Variants in SCN1B observed in about 807,000 individuals in gnomAD.
SCN1B encodes sodium channel regulatory subunit beta-1.
In SCN1B, 11 loss-of-function variants were observed where a neutral mutation model predicts 25.7. The observed-to-expected ratio is 0.43, with a 90% CI of 0.27 to 0.71. The LOEUF is 0.71. Among genes scored for constraint, SCN1B ranks in the 30% least tolerant of loss-of-function variants. The probability of loss-of-function intolerance (pLI) is 0.21; values close to 1 mark genes in which losing one functional copy is unlikely to be tolerated. For synonymous variants in SCN1B, 119 were observed against 117.5 expected (o/e 1.01, Z -0.08); for missense variants, 224 against 291.5 (o/e 0.77, Z 1.69).
chr19:35,036,033 A>C (rs1338565392), intron 3 of SCN1B: 2 of 143,880 alleles, frequency 1.4e-5, no homozygotes, highest in Admixed American at 1.4e-4. Context: ...TACGCCCGGC[A>C]ATTTTTTTTT....
At chr19:35,034,485 A>G in intron 3 of SCN1B, 1 of 246,684 alleles carries the variant, frequency 4.1e-6, no homozygotes, top group Admixed American at 5.0e-5. Flanking sequence ...CCCTTTTCTG[A>G]GGGAGGTCCG....
In SCN1B at chr19:35,033,902, A is replaced by G. The variant is rs761312032; in HGVS notation, c.448+163A>G. 8.8e-6 allele frequency: 14 copies of G among 1,585,446 alleles called. No homozygotes were observed. In the Admixed American group the frequency reaches 2.0e-4, roughly 23 times the overall value. ...GGGAGCAGCCCCTCCTGCCCACTCC[A>G]GCTCTGGCCTCTGTTTCTCTCCAGC... On this transcript the variant is annotated intron_variant, in intron 3 of 5. Coordinates refer to ENST00000262631, the MANE Select transcript of SCN1B (RefSeq NM_001037.5).
rs761070541 is a variant in SCN1B, at chr19:35,033,869, AG to A, written c.448+135del. ...GCCAACCGCCCACAGCAGCGGGCTG[AG>A]GGGGAGGGGAGCAGCCCCTCCTGCC... is the stretch of plus-strand genomic sequence containing the variant. On this transcript the variant is annotated intron_variant, in intron 3 of 5. Transcript: ENST00000262631. 1 of 1,607,552 alleles carries A rather than the reference AG, an allele frequency of 6.2e-7. No individual in the cohort carries two copies. The highest frequency in any genetic ancestry group is 8.5e-7 in the Non-Finnish European group (1 of 1,176,524).
At chr19:35,036,362 C>G (rs982581413) in intron 3 of SCN1B, 1 of 152,058 alleles carries the variant, frequency 6.6e-6, no homozygotes, top group Non-Finnish European at 1.5e-5. Context: ...TAACATGACT[C>G]ATTGTGCTAT....
At chr19:35,033,427 G>T in intron 2 of SCN1B, 72 bp from the exon 3 acceptor site, 1 of 1,606,826 alleles carries the variant, frequency 6.2e-7, no homozygotes. Flanking sequence ...TCAGGGCAGG[G>T]GACAGAATCA....
chr19:35,039,276 G>T lies in SCN1B; in HGVS notation c.590+18G>T. ...GAGAATGCGTGAGTAGGGTGGCTGGGAGGTGGGAGGGCACCCAGGGCACCG... is the reference window on the plus strand; with the variant it reads ...GAGAATGCGTGAGTAGGGTGGCTGGTAGGTGGGAGGGCACCCAGGGCACCG... On this transcript the variant is annotated intron_variant, in intron 4 of 5. Transcript: ENST00000262631. The T allele has an allele frequency of 6.2e-7, 1 of 1,610,556 alleles. No individual in the cohort carries two copies.
At position 35,040,066 on chromosome 19, in the gene SCN1B, AG is replaced by A; in HGVS notation, c.*281del. The A allele has an allele frequency of 3.4e-6, 1 of 290,572 alleles. No individual in the cohort carries two copies. The allele number at this position is 290,572 out of a possible 1,614,324, so 18.0% of individuals were successfully genotyped here. A position where few individuals can be genotyped will look rare whatever the true frequency, so the allele number is the denominator to read the frequency against. Reference sequence around the variant, plus strand: ...CCCTGCTTCTGCTGCCTGTTTGGGGAGGGGGGCGGTGAGGTGGGGGCAGCGG... The same window carrying A: ...CCCTGCTTCTGCTGCCTGTTTGGGGAGGGGGCGGTGAGGTGGGGGCAGCGG... On this transcript the variant is annotated 3_prime_UTR_variant, in exon 6 of 6. Coordinates refer to ENST00000262631, the MANE Select transcript of SCN1B (RefSeq NM_001037.5).
chr19:35,034,339 G>A, intron 3 of SCN1B: 1 of 630,402 alleles, frequency 1.6e-6, no homozygotes, highest in Non-Finnish European at 2.7e-6. Flanking sequence ...CAACACCTCT[G>A]GGGCGGGCCT....
At position 35,040,263 on chromosome 19, in the gene SCN1B, CATCATTTCCCCTCCCGCTT is replaced by C. The variant is rs1020264568; in HGVS notation, c.*473_*491del. 1.8e-5 allele frequency: 3 copies of C among 166,322 alleles called. No homozygotes were observed. Among genetic ancestry groups the C allele is most frequent in the Non-Finnish European group, 4.0e-5 (3 of 75,550 alleles). The allele number at this position is 166,322 out of a possible 1,614,324, so 10.3% of individuals were successfully genotyped here. On this transcript the variant is annotated 3_prime_UTR_variant, in exon 6 of 6. Coordinates refer to ENST00000262631, the MANE Select transcript of SCN1B (RefSeq NM_001037.5). ...ACCCACTCCGACTCCCCCTCCCCGGCATCATTTCCCCTCCCGCTTCCTCCGGCTGGACCTGGGGTCCCCC... is the reference window on the plus strand; with the variant it reads ...ACCCACTCCGACTCCCCCTCCCCGGCCCTCCGGCTGGACCTGGGGTCCCCC...
chr19:35,033,343 C>T (rs1187786725), intron 2 of SCN1B, among the ~76,000 whole-genome samples, 156 bp from the exon 3 acceptor site: 1 of 151,984 alleles, frequency 6.6e-6, no homozygotes, highest in Non-Finnish European at 1.5e-5. Flanking sequence ...GATCCTAGCC[C>T]CCCACCCCTG....
At chr19:35,037,683 TGCCTGTCACCCCA>T (rs1187257062) in intron 3 of SCN1B, 1 of 151,006 alleles carries the variant, frequency 6.6e-6, no homozygotes, top group East Asian at 1.9e-4. Context: ...TAGTGGTTCA[TGCCTGTCACCCCA>T]GCACTTTGGG....
chr19:35,034,020 C>T, intron 3 of SCN1B: 1 of 1,548,222 alleles, frequency 6.5e-7, no homozygotes, highest in Non-Finnish European at 8.7e-7. Flanking sequence ...CTGGCAGGTG[C>T]CTTCTGTCTC....
intron 4 of SCN1B, 67 bp downstream of exon 4, chr19:35,039,325 C>T (rs919869189): frequency 2.8e-5 from 45 of 1,599,340 alleles, no homozygotes; most frequent in African/African-American, 1.3e-4. Context: ...AGAGGAACTC[C>T]GGAGCCCGGG....
rs776213428 is a variant in SCN1B at position 35,039,191 on chromosome 19, G to A, written c.523G>A (p.Val175Met). ...CATTGTGGTGTTGACCATATGGCTC[G>A]TGGCAGAGATGATTTACTGCTACAA... ...VLIVVLTIWL[V>M]AEMIYCYKKI... The change falls in exon 4 of 6, where the codon GTG becomes ATG. Residue 175 changes from valine (V) to methionine (M), a missense_variant. Transcript: ENST00000262631. 21 of 1,614,146 alleles carry A rather than the reference G, an allele frequency of 1.3e-5. No homozygotes were observed. The highest frequency in any genetic ancestry group is 4.5e-5 in the East Asian group (2 of 44,882).
At chr19:35,037,671 TGTAGTG>T (rs2064256892) in intron 3 of SCN1B, 1 of 150,122 alleles carries the variant, frequency 6.7e-6, no homozygotes, top group Admixed American at 6.7e-5. Context: ...GGAGGCCAGG[TGTAGTG>T]GTTCATGCCT....
Position 35,032,219 on chromosome 19 carries a change from G to T in SCN1B, c.41-309G>T, listed in dbSNP as rs960608517. Among the ~76,000 whole-genome samples the T allele has an allele frequency of 2.6e-5, 4 of 152,212 alleles. No individual in the cohort carries two copies. The highest frequency in any genetic ancestry group is 9.6e-5 in the African/African-American group (4 of 41,454). ...GGAAGGGGCACTCGGGTAGCATAAA[G>T]TCTGAGTTACCGGCAACGTTGACAG... On this transcript the variant is annotated intron_variant, in intron 1 of 5. Transcript: ENST00000262631. This position sits in a 1 kb window ranked among gnomAD's most constrained non-coding sequence, Gnocchi z 4.3.
At chr19:35,030,999 G>A in intron 1 of SCN1B, 139 bp downstream of exon 1, 1 of 178,256 alleles carries the variant, frequency 5.6e-6, no homozygotes, top group African/African-American at 2.4e-5. Context: ...GTCAGCTTCA[G>A]AAGTTGTGCG....
At position 35,039,741 on chromosome 19, in the gene SCN1B, T is replaced by C. The variant is rs202090428; in HGVS notation, c.*5+35T>C. The C allele has an allele frequency of 6.2e-6, 10 of 1,606,236 alleles. No individual in the cohort carries two copies. In the African/African-American group the frequency reaches 1.2e-4, roughly 19 times the overall value. ...ATGGGCTGGCAGAGGGGAAGGGGAT[T>C]GGGAGGGGCCGAAGTCCCCCAGGTC... On this transcript the variant is annotated intron_variant, in intron 5 of 5. Transcript: ENST00000262631.
In SCN1B at chr19:35,030,690, G is replaced by A; in HGVS notation, c.-131G>A. On this transcript the variant is annotated 5_prime_UTR_variant, in exon 1 of 6. Transcript: ENST00000262631. ...GCGCCCCCCCTCCTCCCCCCTCGCC[G>A]GTCCCAGAGCCGCAGCTGCTGCGCC... 5.5e-6 allele frequency: 1 copy of A among 180,614 alleles called. No individual in the cohort carries two copies. The highest frequency in any genetic ancestry group is 1.1e-5 in the Non-Finnish European group (1 of 88,368). 11.2% of individuals were successfully genotyped at this position (180,614 alleles called of 1,614,324 possible). A position where few individuals can be genotyped will look rare whatever the true frequency, so the allele number is the denominator to read the frequency against.
Sources: allele counts gnomAD v4.1 joint callset (sites outside exome capture counted in the v4.1 genomes callset), GRCh38; gene constraint gnomAD v4.1.1; non-coding constraint Gnocchi (gnomAD v3.1); transcripts MANE v1.5; gene names NCBI Gene and HGNC (gene_info 2026-07-23, HGNC 2026-07-21).